AMBRA1: variants seen among roughly 807,000 people sequenced by gnomAD.
AMBRA1 encodes the protein activating molecule in BECN1-regulated autophagy protein 1.
A neutral mutation model predicts 125.4 loss-of-function variants in AMBRA1; 47 were observed. The ratio of observed to expected loss-of-function variants is 0.37; its 90% CI spans 0.30 to 0.48. The LOEUF is 0.48. Among genes scored for constraint, AMBRA1 ranks in the 20% least tolerant of loss-of-function variants. The pLI is 0.99. For missense variants in AMBRA1, 1,331 were observed against 1,693.4 expected, an observed-to-expected ratio of 0.79 and a Z score of 3.76; for synonymous variants, 626 against 655.5, an observed-to-expected ratio of 0.95 and a Z score of 0.69.
Position 46,542,253 on chromosome 11 carries a change from T to A in AMBRA1, c.1764A>T (p.Thr588=). 1 of 1,613,826 alleles carries A rather than the reference T, an allele frequency of 6.2e-7. No individual in the cohort carries two copies. Among genetic ancestry groups the A allele is most frequent in the Non-Finnish European group, 8.5e-7 (1 of 1,179,978 alleles). The change falls in exon 7 of 18, where the codon ACA becomes ACT. Residue 588 remains threonine (T), a synonymous_variant. Coordinates refer to ENST00000683756, the MANE Select transcript of AMBRA1 (RefSeq NM_001387011.1). This position sits in a 1 kb window ranked among gnomAD's most constrained non-coding sequence, Gnocchi z 5.9. ...NNDTLRWERT[T]PNYSSGEASS... ...TAGCCTCGCCAGAGGAGTAGTTAGG[T>A]GTGGTTCTTTCCCAGCGCAGGGTAT...
In AMBRA1 at chr11:46,542,575, G is replaced by A; in HGVS notation, c.1442C>T (p.Ser481Leu). 6.2e-7 allele frequency: 1 copy of A among 1,613,550 alleles called. No homozygotes were observed. The highest frequency in any genetic ancestry group is 8.5e-7 in the Non-Finnish European group (1 of 1,180,038). The change falls in exon 7 of 18, where the codon TCA becomes TTA. Residue 481 changes from serine to leucine, a missense_variant. Ser to Leu is a moderately radical substitution (Grantham distance 145, BLOSUM62 -2). Coordinates refer to ENST00000683756, the MANE Select transcript of AMBRA1 (RefSeq NM_001387011.1). This position sits in a 1 kb window ranked among gnomAD's most constrained non-coding sequence, Gnocchi z 5.9. ...TTGGCTGGAGCCATTCCCTCCATCT[G>A]ACTCAGTTGCCAACCCTGATGCCGG... ...GFPASGLATE[S>L]DGGNGSSQNN...
chr11:46,553,975 C>T (rs920330547), intron 1 of AMBRA1, among the ~76,000 whole-genome samples: 2 of 152,094 alleles, frequency 1.3e-5, no homozygotes, highest in African/African-American at 2.4e-5. Flanking sequence ...TCCTTAGTAA[C>T]CCTGACAACT....
Position 46,548,237 on chromosome 11 carries a change from T to C in AMBRA1, c.135+9A>G. 6.2e-7 allele frequency: 1 copy of C among 1,614,118 alleles called. No individual in the cohort carries two copies. The highest frequency in any genetic ancestry group is 2.2e-5 in the East Asian group (1 of 44,886). On this transcript the variant is annotated intron_variant, in intron 2 of 17. Transcript: ENST00000683756. ...CAAATCCTATGTGAAATATAGCCAT[T>C]TTCCTTACCTTGCCCTCCCATTTCA... is the stretch of plus-strand genomic sequence containing the variant.
At chr11:46,417,757 C>T (rs907883458) in intron 15 of AMBRA1, among the ~76,000 whole-genome samples, 156 bp downstream of exon 15, 2 of 152,202 alleles carry the variant, frequency 1.3e-5, no homozygotes, top group African/African-American at 4.8e-5. Context: ...CTACCAGCCC[C>T]TGTGGGAAGA....
intron 9 of AMBRA1, among the ~76,000 whole-genome samples, chr11:46,499,440 T>C (rs1950750591): frequency 6.6e-6 from 1 of 152,228 alleles, no homozygotes; most frequent in Non-Finnish European, 1.5e-5. Flanking sequence ...TCTAGAATCC[T>C]AAAGTATTAA....
chr11:46,418,218 T>G (rs1156615051), intron 14 of AMBRA1, among the ~76,000 whole-genome samples, 166 bp from the exon 15 acceptor site: 1 of 145,568 alleles, frequency 6.9e-6, no homozygotes, highest in East Asian at 2.0e-4. Flanking sequence ...TATCTATCTA[T>G]TTTATTATTT....
intron 7 of AMBRA1, among the ~76,000 whole-genome samples, chr11:46,517,270 C>A (rs1389462659): frequency 1.3e-5 from 2 of 150,432 alleles, no homozygotes; most frequent in East Asian, 4.0e-4. Flanking sequence ...GCCTCAGCCT[C>A]CCAAGTAGCT....
intron 11 of AMBRA1, among the ~76,000 whole-genome samples, chr11:46,449,788 C>T (rs987027875): frequency 6.6e-6 from 1 of 152,160 alleles, no homozygotes; most frequent in African/African-American, 2.4e-5. Flanking sequence ...AGGCCGGGCG[C>T]AGTGGCTCAC....
At chr11:46,449,848 C>T (rs1466428872) in intron 11 of AMBRA1, among the ~76,000 whole-genome samples, 1 of 152,040 alleles carries the variant, frequency 6.6e-6, no homozygotes, top group Non-Finnish European at 1.5e-5. Context: ...ATCATGAGGT[C>T]AGGAGTTTAA....
rs376215684 is a variant in AMBRA1 at position 46,543,175 on chromosome 11, C to T, written c.842G>A (p.Arg281His). Residue 281 changes from arginine to histidine, a missense_variant, in exon 7 of 18, where the codon CGC becomes CAC. Arg to His is a conservative substitution (Grantham distance 29, BLOSUM62 0). This residue lies in a region of AMBRA1 where 689 missense variants were observed against 776.5 expected (regional missense o/e 0.89). Transcript: ENST00000683756. ...PPPPPQPSTE[R>H]PRTSAYIRLR... Reference sequence around the variant, plus strand: ...CCTGATGTAAGCGGAAGTCCTGGGGCGCTCCGTGGAGGGCTGAGGGGGAGG... The same window carrying T: ...CCTGATGTAAGCGGAAGTCCTGGGGTGCTCCGTGGAGGGCTGAGGGGGAGG... The T allele has an allele frequency of 9.8e-5, 154 of 1,567,896 alleles. No individual in the cohort carries two copies. The East Asian group carries it at 1.1e-3, about 11-fold the overall frequency.
chr11:46,568,043 C>A (rs2043598332), intron 1 of AMBRA1, among the ~76,000 whole-genome samples: 2 of 151,296 alleles, frequency 1.3e-5, no homozygotes, highest in South Asian at 2.1e-4. Flanking sequence ...AGATACTTGG[C>A]AGGCTGAGGC....
In AMBRA1 at chr11:46,397,469, C is replaced by G; in HGVS notation, c.3878G>C (p.Gly1293Ala). ...TTGTCTCTACCTGTTCCGTGGTTCT[C>G]CCCTAGGGCCTGCAGCGTCCCCCCT... ...SSRGDAAGPR[G>A]EPRNR Residue 1293 changes from glycine to alanine, a missense_variant, in exon 18 of 18, where the codon GGA becomes GCA. Physicochemically the swap from Gly to Ala is moderately conservative, Grantham distance 60. This residue lies in a region of AMBRA1 where 144 missense variants were observed against 133.9 expected (regional missense o/e 1.08). Coordinates refer to ENST00000683756, the MANE Select transcript of AMBRA1 (RefSeq NM_001387011.1). 1 of 1,516,154 alleles carries G rather than the reference C, an allele frequency of 6.6e-7. No individual in the cohort carries two copies. Among genetic ancestry groups the G allele is most frequent in the Non-Finnish European group, 8.8e-7 (1 of 1,131,644 alleles). The allele number at this position is 1,516,154 out of a possible 1,614,324, so 93.9% of individuals were successfully genotyped here.
chr11:46,490,526 T>C (rs1950423148), intron 11 of AMBRA1, among the ~76,000 whole-genome samples: 1 of 152,202 alleles, frequency 6.6e-6, no homozygotes, highest in Admixed American at 6.5e-5. Context: ...AGAACGGATC[T>C]TGATTTTCCG....
At chr11:46,565,486 T>C (rs2043489797) in intron 1 of AMBRA1, among the ~76,000 whole-genome samples, 1 of 151,754 alleles carries the variant, frequency 6.6e-6, no homozygotes, top group Non-Finnish European at 1.5e-5. Flanking sequence ...GTGGGCAGAT[T>C]GCTTGAGCCC....
chr11:46,572,846 C>A (rs1350211911), intron 1 of AMBRA1, among the ~76,000 whole-genome samples: 1 of 152,128 alleles, frequency 6.6e-6, no homozygotes, highest in African/African-American at 2.4e-5. Context: ...GTAATCACAG[C>A]ACTTTGGGAG....
intron 1 of AMBRA1, among the ~76,000 whole-genome samples, chr11:46,593,224 C>T (rs1265420474): frequency 6.6e-6 from 1 of 152,108 alleles, no homozygotes; most frequent in Non-Finnish European, 1.5e-5. Flanking sequence ...GTTTTCATAA[C>T]TTGACTGGTA....
chr11:46,430,425 C>G (rs543812052), intron 14 of AMBRA1, among the ~76,000 whole-genome samples: 1 of 152,302 alleles, frequency 6.6e-6, no homozygotes, highest in South Asian at 2.1e-4. Flanking sequence ...TCCTGGGTCC[C>G]TCTGACTCCC....
At chr11:46,428,294 G>C (rs191833019) in intron 14 of AMBRA1, among the ~76,000 whole-genome samples, 1 of 152,094 alleles carries the variant, frequency 6.6e-6, no homozygotes, top group Admixed American at 6.5e-5. Context: ...TCTTGGCTAC[G>C]GTTTTACCAC....
chr11:46,530,432 C>T (rs1279529398), intron 7 of AMBRA1, among the ~76,000 whole-genome samples: 1 of 152,190 alleles, frequency 6.6e-6, no homozygotes, highest in Non-Finnish European at 1.5e-5. Flanking sequence ...CCCTCCCAAC[C>T]AGGGCAAGCC....
Sources: gnomAD v4.1 joint callset for allele counts (sites outside exome capture counted in the v4.1 genomes callset) on GRCh38, gnomAD v4.1.1 for gene constraint, gnomAD v4.1.1 regional missense constraint, Gnocchi (gnomAD v3.1) non-coding constraint, MANE v1.5 for transcripts, NCBI Gene and HGNC (gene_info 2026-07-23, HGNC 2026-07-21) for gene names.